The following GRIK4 variants were observed in gnomAD, a reference collection of about 807,000 sequenced individuals.
GRIK4 encodes the protein glutamate receptor ionotropic, kainate 4.
In GRIK4, 40 loss-of-function variants were observed where a neutral mutation model predicts 104.9. The ratio of observed to expected loss-of-function variants is 0.38; its 90% CI spans 0.30 to 0.50. The LOEUF (loss-of-function observed/expected upper bound fraction) is 0.50. Among genes scored for constraint, GRIK4 ranks in the 20% least tolerant of loss-of-function variants. The probability of loss-of-function intolerance (pLI) is 0.93; values close to 1 mark genes in which losing one functional copy is unlikely to be tolerated. For synonymous variants in GRIK4, 485 were observed against 524.9 expected, an observed-to-expected ratio of 0.92 and a Z score of 1.04; for missense variants, 1,047 against 1,308.1, an observed-to-expected ratio of 0.80 and a Z score of 3.08.
chr11:120,589,080 C>T (rs1350261812), intron 1 of GRIK4, among the ~76,000 whole-genome samples: 1 of 152,174 alleles, frequency 6.6e-6, no homozygotes, highest in African/African-American at 2.4e-5. Context: ...GAACTACCTT[C>T]TCTGCTAAGG....
chr11:120,646,781 A>G (rs946152413), intron 1 of GRIK4, among the ~76,000 whole-genome samples: 1 of 152,236 alleles, frequency 6.6e-6, no homozygotes, highest in African/African-American at 2.4e-5. Context: ...TGGAAGAAGA[A>G]TGCTAGGAAC....
chr11:120,979,413 T>G (rs1944614571), intron 19 of GRIK4, among the ~76,000 whole-genome samples: 1 of 152,158 alleles, frequency 6.6e-6, no homozygotes, highest in South Asian at 2.1e-4. Flanking sequence ...AAGCAAAAAT[T>G]TTTAAATGCA....
Position 120,537,820 on chromosome 11 carries a change from A to T in GRIK4, c.-159+25933A>T, listed in dbSNP as rs11217907. On this transcript the variant is annotated intron_variant, in intron 1 of 20. Transcript: ENST00000527524. Reference sequence around the variant, plus strand: ...TAGAATAAATATATGTTCTTCTGTGAACAGGTTGGAACACATACTTGTTTG... The same window carrying T: ...TAGAATAAATATATGTTCTTCTGTGTACAGGTTGGAACACATACTTGTTTG... Among the ~76,000 whole-genome samples, 1,511 of 152,188 alleles carry T rather than the reference A, an allele frequency of 9.9e-3. 33 individuals are homozygous for T. Among genetic ancestry groups the T allele is most frequent in the African/African-American group, 0.034 (1,416 of 41,536 alleles).
chr11:120,971,685 G>A (rs1309006868), intron 19 of GRIK4, among the ~76,000 whole-genome samples: 3 of 152,108 alleles, frequency 2.0e-5, no homozygotes, highest in Admixed American at 6.5e-5. Context: ...TTTTAATAGC[G>A]GTATAAAGAG....
chr11:120,673,104 T>C (rs1231822377), intron 3 of GRIK4, among the ~76,000 whole-genome samples: 1 of 152,210 alleles, frequency 6.6e-6, no homozygotes, highest in Non-Finnish European at 1.5e-5. Context: ...TTTCTGTCCT[T>C]CTTCTCTGCT....
chr11:120,692,920 T>C (rs1425979754), intron 3 of GRIK4, among the ~76,000 whole-genome samples: 3 of 151,416 alleles, frequency 2.0e-5, no homozygotes, highest in African/African-American at 2.4e-5. Flanking sequence ...TTAGTAGAGA[T>C]GGGTTTTCAC....
intron 3 of GRIK4, among the ~76,000 whole-genome samples, chr11:120,677,745 G>A (rs965543513): frequency 3.3e-5 from 5 of 152,272 alleles, no homozygotes; most frequent in South Asian, 4.2e-4. Context: ...GCCATTTTGC[G>A]CCTCCTTTTC....
At position 120,862,054 on chromosome 11, in the gene GRIK4, G is replaced by A. The variant is rs992077780; in HGVS notation, c.840G>A (p.Glu280=). Residue 280 remains glutamate, a synonymous_variant, in exon 9 of 21, where the codon GAG becomes GAA. Coordinates refer to ENST00000527524, the MANE Select transcript of GRIK4 (RefSeq NM_014619.5). ...IFNQSHAFFQ[E]FAQSLNQSWQ... ...ACCAATCCCATGCTTTCTTCCAAGA[G>A]TTTGCCCAGAGCCTCAACCAGTCCT... 2 of 1,614,046 alleles carry A rather than the reference G, an allele frequency of 1.2e-6. No individual in the cohort carries two copies. Among genetic ancestry groups the A allele is most frequent in the African/African-American group, 2.7e-5 (2 of 74,932 alleles).
intron 8 of GRIK4, among the ~76,000 whole-genome samples, chr11:120,849,201 C>A (rs1013695318): frequency 3.3e-5 from 5 of 152,130 alleles, no homozygotes; most frequent in Non-Finnish European, 7.4e-5. Context: ...GCCCATGTGC[C>A]TTGGTGAGTG....
intron 8 of GRIK4, among the ~76,000 whole-genome samples, chr11:120,850,914 T>G (rs1186497802): frequency 6.6e-6 from 1 of 151,870 alleles, no homozygotes; most frequent in Non-Finnish European, 1.5e-5. Flanking sequence ...AGCTTCTCCA[T>G]CCTCAGCATC....
intron 3 of GRIK4, among the ~76,000 whole-genome samples, chr11:120,684,946 C>T (rs1334183837): frequency 2.6e-5 from 4 of 152,238 alleles, no homozygotes; most frequent in Admixed American, 2.6e-4. Flanking sequence ...ATCCGCCTGC[C>T]TCAGCCTCCC....
intron 1 of GRIK4, among the ~76,000 whole-genome samples, chr11:120,557,843 C>T (rs1343124859): frequency 7.3e-5 from 11 of 151,578 alleles, no homozygotes; most frequent in African/African-American, 2.4e-4. Flanking sequence ...GGTGAAACTC[C>T]GTCTCTACTA....
intron 3 of GRIK4, among the ~76,000 whole-genome samples, chr11:120,780,180 C>G (rs540293230): frequency 5.7e-4 from 86 of 151,560 alleles, no homozygotes; most frequent in African/African-American, 2.0e-3. Context: ...ACACATAAAA[C>G]TACTGTTTTA....
At chr11:120,662,225 C>T (rs1949829230) in intron 3 of GRIK4, among the ~76,000 whole-genome samples, 1 of 152,230 alleles carries the variant, frequency 6.6e-6, no homozygotes, top group African/African-American at 2.4e-5. Context: ...CAAACCCATA[C>T]TCTGAACAAT....
chr11:120,701,469 T>C (rs998238615), intron 3 of GRIK4, among the ~76,000 whole-genome samples: 1 of 152,048 alleles, frequency 6.6e-6, no homozygotes, highest in Admixed American at 6.5e-5. Context: ...TTTTTAAGGG[T>C]GAGTAGTATG....
intron 1 of GRIK4, among the ~76,000 whole-genome samples, chr11:120,631,196 T>A (rs890648921): frequency 2.0e-5 from 3 of 152,262 alleles, no homozygotes; most frequent in African/African-American, 7.2e-5. Flanking sequence ...ATTGTAATGA[T>A]CATTGTCGTC....
chr11:120,942,319 A>G (rs1264690360), intron 14 of GRIK4, among the ~76,000 whole-genome samples: 1 of 152,194 alleles, frequency 6.6e-6, no homozygotes, highest in African/African-American at 2.4e-5. Flanking sequence ...CTCACTAGGC[A>G]GTCTTCCAGC....
chr11:120,950,589 G>A (rs1355890352), intron 14 of GRIK4, among the ~76,000 whole-genome samples: 1 of 152,082 alleles, frequency 6.6e-6, no homozygotes, highest in East Asian at 1.9e-4. Context: ...GAGAAACTTG[G>A]GGGTCAAAAA....
intron 6 of GRIK4, 27 bp from the exon 7 acceptor site, chr11:120,831,825 A>G (rs1953435351): frequency 1.9e-6 from 3 of 1,593,562 alleles, no homozygotes; most frequent in East Asian, 4.5e-5. Context: ...GTGGACCCTC[A>G]GGGGCTTCAT....
Sources: allele counts gnomAD v4.1 joint callset (sites outside exome capture counted in the v4.1 genomes callset), GRCh38; gene constraint gnomAD v4.1.1; transcripts MANE v1.5; gene names NCBI Gene and HGNC (gene_info 2026-07-23, HGNC 2026-07-21).